PHACTR2: variants seen among roughly 807,000 people sequenced by gnomAD.
The protein encoded by PHACTR2 is chromosome 6 open reading frame 56.
In PHACTR2, 30 loss-of-function variants were observed where a neutral mutation model predicts 76.0. The observed-to-expected ratio is 0.39, with a 90% CI of 0.30 to 0.54. The LOEUF is 0.54. Ranked by LOEUF, PHACTR2 falls within the 20% of genes least tolerant of loss-of-function variation. The probability of loss-of-function intolerance (pLI) is 0.61; values close to 1 mark genes in which losing one functional copy is unlikely to be tolerated. For synonymous variants in PHACTR2, 292 were observed against 292.5 expected (o/e 1.00, Z 0.02); for missense variants, 696 against 781.1 (o/e 0.89, Z 1.30).
rs552808104 is a variant in PHACTR2, at chr6:143,671,313, C to T, written c.14-40703C>T. 2.0e-5 allele frequency among the ~76,000 whole-genome samples: 3 copies of T among 152,244 alleles called. No individual in the cohort carries two copies. In the South Asian group the frequency reaches 6.2e-4, roughly 32 times the overall value. On this transcript the variant is annotated intron_variant, in intron 1 of 11. Coordinates refer to the PHACTR2 transcript ENST00000305766. The surrounding 1 kb of genome is among the most constrained non-coding windows in gnomAD (Gnocchi z 4.6). ...CTTTACCTCTCTTATTCTATGTACT[C>T]CAACCACACCATTTCCCCTGGATTC...
upstream of PHACTR2, among the ~76,000 whole-genome samples, chr6:143,675,525 C>T (rs1777231072): frequency 6.6e-6 from 1 of 152,152 alleles, no homozygotes; most frequent in Non-Finnish European, 1.5e-5. This position sits in a 1 kb window ranked among gnomAD's most constrained non-coding sequence, Gnocchi z 4.9. Flanking sequence ...ACAAAGCAGT[C>T]TGAGGCCCCC....
intron 1 of PHACTR2, among the ~76,000 whole-genome samples, chr6:143,542,500 C>T (rs910243777): frequency 6.6e-6 from 1 of 152,158 alleles, no homozygotes; most frequent in Non-Finnish European, 1.5e-5. Context: ...CAACCAATTC[C>T]TCTTTCTCTA....
At position 143,570,998 on chromosome 6, in the gene PHACTR2, CTAATT is replaced by C. The variant is rs1295922934; in HGVS notation, c.217+33795_217+33799del. Among the ~76,000 whole-genome samples the C allele has an allele frequency of 6.6e-6, 1 of 152,126 alleles. No homozygotes were observed. Among genetic ancestry groups the C allele is most frequent in the African/African-American group, 2.4e-5 (1 of 41,414 alleles). On this transcript the variant is annotated intron_variant, in intron 1 of 11. Coordinates refer to the PHACTR2 transcript ENST00000367584. The surrounding 1 kb of genome is among the most constrained non-coding windows in gnomAD (Gnocchi z 4.6). ...TTTTTCATGAAATTTAAAAAACTTT[CTAATT>C]TAAGATCATTTAACTTTTAGCTGCT...
chr6:143,540,763 C>T (rs1970352), intron 1 of PHACTR2, among the ~76,000 whole-genome samples: 49,494 of 151,126 alleles, frequency 0.33, 9,782 homozygotes, highest in African/African-American at 0.54. Flanking sequence ...GTTAAGAAAA[C>T]AAAATATTTT....
Position 143,772,442 on chromosome 6 carries a change from G to T in PHACTR2, c.1417G>T (p.Asp473Tyr), listed in dbSNP as rs1478486594. The T allele has an allele frequency of 6.2e-7, 1 of 1,613,570 alleles. No homozygotes were observed. Among genetic ancestry groups the T allele is most frequent in the Non-Finnish European group, 8.5e-7 (1 of 1,179,716 alleles). ...TDDEDEDEDE[D>Y]GSGESALASK... ...TGATGAGGACGAAGACGAAGATGAGGATGGCAGTGGAGAAAGTAAGACTGT... is the reference window on the plus strand; with the variant it reads ...TGATGAGGACGAAGACGAAGATGAGTATGGCAGTGGAGAAAGTAAGACTGT... The change falls in exon 7 of 13, where the codon GAT becomes TAT. Residue 473 changes from aspartate to tyrosine, a missense_variant. Asp to Tyr is a radical substitution (Grantham distance 160). Coordinates refer to ENST00000440869, the MANE Select transcript of PHACTR2 (RefSeq NM_001100164.2). This position sits in a 1 kb window ranked among gnomAD's most constrained non-coding sequence, Gnocchi z 5.4.
At chr6:143,704,095 C>CTGTGTGTGTCTGTGTCTGTGTGTG (rs1554221241) in intron 1 of PHACTR2, among the ~76,000 whole-genome samples, 1 of 144,128 alleles carries the variant, frequency 6.9e-6, no homozygotes, top group Admixed American at 6.9e-5. Flanking sequence ...GTGTGTGTGT[C>CTGTGTGTGTCTGTGTCTGTGTGTG]TGTGTGTGTG....
chr6:143,804,015 C>A (rs1430470706), intron 11 of PHACTR2, among the ~76,000 whole-genome samples: 1 of 152,166 alleles, frequency 6.6e-6, no homozygotes, highest in Non-Finnish European at 1.5e-5. Flanking sequence ...AAGGTAAAAG[C>A]CTTGGAATAG....
In PHACTR2 at chr6:143,745,069, A is replaced by G. The variant is rs144992747; in HGVS notation, c.215-3916A>G. On this transcript the variant is annotated intron_variant, in intron 2 of 12. Transcript: ENST00000440869. ...ACCTTAGCTACTGTATTCAGCTACGACATTCAGCGACCTGTGCCCCACTAG... is the reference window on the plus strand; with the variant it reads ...ACCTTAGCTACTGTATTCAGCTACGGCATTCAGCGACCTGTGCCCCACTAG... Among the ~76,000 whole-genome samples, 842 of 152,332 alleles carry G rather than the reference A, an allele frequency of 5.5e-3. 8 individuals are homozygous for G. The highest frequency in any genetic ancestry group is 0.019 in the African/African-American group (805 of 41,576).
Position 143,830,778 on chromosome 6 carries a change from T to C in PHACTR2, c.*7089T>C, listed in dbSNP as rs1776651487. 1 of 152,220 alleles carries C rather than the reference T, an allele frequency of 6.6e-6. No homozygotes were observed. Among genetic ancestry groups the C allele is most frequent in the African/African-American group, 2.4e-5 (1 of 41,454 alleles). The allele number at this position is 152,220 out of a possible 1,614,324, so 9.4% of individuals were successfully genotyped here. ...TTTCCTAAGTATATATAAATGCATATATGTATAAAATTGGGAAAAGTTACC... is the reference window on the plus strand; with the variant it reads ...TTTCCTAAGTATATATAAATGCATACATGTATAAAATTGGGAAAAGTTACC... On this transcript the variant is annotated 3_prime_UTR_variant, in exon 13 of 13. Coordinates refer to ENST00000440869, the MANE Select transcript of PHACTR2 (RefSeq NM_001100164.2).
rs1376845367 is a variant in PHACTR2 at position 143,671,986 on chromosome 6, A to G, written c.14-40030A>G. On this transcript the variant is annotated intron_variant, in intron 1 of 11. Transcript: ENST00000305766. The surrounding 1 kb of genome is among the most constrained non-coding windows in gnomAD (Gnocchi z 4.6). ...CAGATTAAAAAAAACTGTACATAAT[A>G]TTATTCCATTTGTAAGAAATTTTAG... 7.9e-5 allele frequency among the ~76,000 whole-genome samples: 12 copies of G among 152,280 alleles called. No homozygotes were observed. In the South Asian group the frequency reaches 2.5e-3, roughly 32 times the overall value.
rs988611571 is a variant in PHACTR2 at position 143,730,453 on chromosome 6, C to A, written c.214+18270C>A. Among the ~76,000 whole-genome samples the A allele has an allele frequency of 1.2e-4, 18 of 151,990 alleles. No individual in the cohort carries two copies. The highest frequency in any genetic ancestry group is 4.3e-4 in the African/African-American group (18 of 41,390). ...GTAAATTATATATATTTTTAAATGT[C>A]AATTTCCAGTTGTTCCTTGTATCAT... On this transcript the variant is annotated intron_variant, in intron 2 of 12. Transcript: ENST00000440869. The surrounding 1 kb of genome is among the most constrained non-coding windows in gnomAD (Gnocchi z 4.8).
Position 143,581,579 on chromosome 6 carries a change from A to T in PHACTR2, c.217+44372A>T, listed in dbSNP as rs1390408760. Among the ~76,000 whole-genome samples the T allele has an allele frequency of 6.6e-6, 1 of 152,194 alleles. No individual in the cohort carries two copies. Among genetic ancestry groups the T allele is most frequent in the African/African-American group, 2.4e-5 (1 of 41,452 alleles). Reference sequence around the variant, plus strand: ...GAAGGATGAATGGATATGTGTATTAATTATCTATTGCTGCATGACAAATAC... The same window carrying T: ...GAAGGATGAATGGATATGTGTATTATTTATCTATTGCTGCATGACAAATAC... On this transcript the variant is annotated intron_variant, in intron 1 of 11. Coordinates refer to the PHACTR2 transcript ENST00000367584. The surrounding 1 kb of genome is among the most constrained non-coding windows in gnomAD (Gnocchi z 4.5).
upstream of PHACTR2, among the ~76,000 whole-genome samples, chr6:143,607,438 T>C (rs933927613): frequency 6.6e-6 from 1 of 152,220 alleles, no homozygotes; most frequent in East Asian, 1.9e-4. Context: ...ACGAAAGAAG[T>C]GAAGTAGGGC....
In PHACTR2 at chr6:143,658,722, AAAAC is replaced by A. The variant is rs957287149; in HGVS notation, c.13+50412_13+50415del. On this transcript the variant is annotated intron_variant, in intron 1 of 11. Coordinates refer to the PHACTR2 transcript ENST00000305766. This position sits in a 1 kb window ranked among gnomAD's most constrained non-coding sequence, Gnocchi z 4.1. ...AGCAAAACTATAGTGTAAAGATTAA[AAAAC>A]AAACAAACAAAAAATGGGGTTGGGC... Among the ~76,000 whole-genome samples the A allele has an allele frequency of 2.3e-4, 35 of 152,184 alleles. No homozygotes were observed. Among genetic ancestry groups the A allele is most frequent in the African/African-American group, 7.2e-4 (30 of 41,442 alleles).
chr6:143,821,219 C>T lies in PHACTR2; in HGVS notation c.1923-2455C>T, dbSNP rs1443184210. Among the ~76,000 whole-genome samples, 1 of 152,226 alleles carries T rather than the reference C, an allele frequency of 6.6e-6. No homozygotes were observed. Among genetic ancestry groups the T allele is most frequent in the African/African-American group, 2.4e-5 (1 of 41,466 alleles). ...GACTAAGAACAGAACTCAAAGTGGA[C>T]ACATTCCTGCTTTAGTAATAAATTG... On this transcript the variant is annotated intron_variant, in intron 12 of 12. Coordinates refer to ENST00000440869, the MANE Select transcript of PHACTR2 (RefSeq NM_001100164.2). The surrounding 1 kb of genome is among the most constrained non-coding windows in gnomAD (Gnocchi z 5.2).
At position 143,743,709 on chromosome 6, in the gene PHACTR2, G is replaced by C. The variant is rs1778993878; in HGVS notation, c.215-5276G>C. ...CTTTCAACACAAGACAAGTGGTTTT[G>C]TGTGTTTCTGTCACAGTTTTACAGT... On this transcript the variant is annotated intron_variant, in intron 2 of 12. Transcript: ENST00000440869. This position sits in a 1 kb window ranked among gnomAD's most constrained non-coding sequence, Gnocchi z 5.0. 6.6e-6 allele frequency among the ~76,000 whole-genome samples: 1 copy of C among 152,200 alleles called. No homozygotes were observed. Among genetic ancestry groups the C allele is most frequent in the Non-Finnish European group, 1.5e-5 (1 of 68,036 alleles).
At chr6:143,569,927 G>A (rs1241597077) in intron 1 of PHACTR2, among the ~76,000 whole-genome samples, 1 of 152,214 alleles carries the variant, frequency 6.6e-6, no homozygotes, top group Non-Finnish European at 1.5e-5. Flanking sequence ...ATGTCTTAAA[G>A]AAATCTCCAC....
chr6:143,771,174 G>GTA lies in PHACTR2; in HGVS notation c.1233-1070_1233-1069dup, dbSNP rs748236479. ...TATATATATGTATATATATATATAT[G>GTA]TATATATATATATATGTGTGTATAT... On this transcript the variant is annotated intron_variant, in intron 6 of 12. Coordinates refer to ENST00000440869, the MANE Select transcript of PHACTR2 (RefSeq NM_001100164.2). Among the ~76,000 whole-genome samples the GTA allele has an allele frequency of 2.9e-3, 200 of 68,854 alleles. 4 individuals carry two copies. Among genetic ancestry groups the GTA allele is most frequent in the African/African-American group, 0.01 (160 of 15,826 alleles). The allele number at this position is 68,854 out of a possible 152,430, so 45.2% of individuals were successfully genotyped here. A position where few individuals can be genotyped will look rare whatever the true frequency, so the allele number is the denominator to read the frequency against.
chr6:143,564,187 GTGTGTGTGCA>G (rs1775325798), intron 1 of PHACTR2, among the ~76,000 whole-genome samples: 2 of 61,308 alleles, frequency 3.3e-5, no homozygotes, highest in Non-Finnish European at 7.2e-5. Context: ...GTGTGTATGT[GTGTGTGTGCA>G]TATATATATA....
Sources: gnomAD v4.1 joint callset for allele counts (sites outside exome capture counted in the v4.1 genomes callset) on GRCh38, gnomAD v4.1.1 for gene constraint, Gnocchi (gnomAD v3.1) non-coding constraint, MANE v1.5 for transcripts, NCBI Gene and HGNC (gene_info 2026-07-23, HGNC 2026-07-21) for gene names.